Variants in CDC5L observed in about 807,000 individuals in gnomAD.
The protein encoded by CDC5L is cell division cycle 5 like.
In CDC5L, 18 loss-of-function variants were observed where a neutral mutation model predicts 104.1. The ratio of observed to expected loss-of-function variants is 0.17; its 90% CI spans 0.12 to 0.26. The LOEUF is 0.26. CDC5L is among the 10% of genes least tolerant of loss of function. CDC5L has a pLI of 1.00. For missense variants in CDC5L, 673 were observed against 956.9 expected (o/e 0.70, Z 3.91); for synonymous variants, 331 against 322.7 (o/e 1.03, Z -0.28).
intron 5 of CDC5L, among the ~76,000 whole-genome samples, chr6:44,402,596 C>T (rs923299290): frequency 2.6e-5 from 4 of 152,028 alleles, no homozygotes; most frequent in Admixed American, 6.5e-5. Context: ...TTTCTTATCA[C>T]GAAATCATTA....
At chr6:44,435,328 A>C (rs1792882346) in intron 14 of CDC5L, among the ~76,000 whole-genome samples, 1 of 151,944 alleles carries the variant, frequency 6.6e-6, no homozygotes, top group South Asian at 2.1e-4. Context: ...AAGAATTTAG[A>C]ATTTTAAAAT....
intron 1 of CDC5L, 150 bp from the exon 2 acceptor site, chr6:44,390,118 G>A: frequency 1.7e-6 from 1 of 576,034 alleles, no homozygotes; most frequent in East Asian, 3.0e-5. Context: ...TAGTTAATGA[G>A]GTTTTCATCC....
intron 1 of CDC5L, among the ~76,000 whole-genome samples, chr6:44,389,083 G>A (rs1417596850): frequency 6.6e-6 from 1 of 152,164 alleles, no homozygotes; most frequent in African/African-American, 2.4e-5. Context: ...GGTATCCCTA[G>A]GACCTAGGAC....
At chr6:44,426,876 G>GA (rs1424966676) in intron 13 of CDC5L, 152 bp downstream of exon 13, 2 of 761,696 alleles carry the variant, frequency 2.6e-6, no homozygotes, top group African/African-American at 3.5e-5. Flanking sequence ...TAAGTGTTAT[G>GA]AAAAGGACAT....
At chr6:44,436,356 A>G (rs1378024405) in intron 14 of CDC5L, among the ~76,000 whole-genome samples, 1 of 152,220 alleles carries the variant, frequency 6.6e-6, no homozygotes, top group Non-Finnish European at 1.5e-5. Context: ...GGCTGATTTT[A>G]GGAGAGAGAT....
chr6:44,408,333 C>A, intron 7 of CDC5L, 111 bp from the exon 8 acceptor site: 1 of 680,858 alleles, frequency 1.5e-6, no homozygotes, highest in Non-Finnish European at 2.4e-6. Context: ...AACTCCTGGG[C>A]TCAAACAGTT....
intron 14 of CDC5L, among the ~76,000 whole-genome samples, chr6:44,438,247 C>A (rs1320593419): frequency 6.6e-6 from 1 of 152,168 alleles, no homozygotes; most frequent in Non-Finnish European, 1.5e-5. Context: ...TGTTGCCTGG[C>A]TGAACATGTT....
intron 4 of CDC5L, among the ~76,000 whole-genome samples, chr6:44,393,845 T>C (rs1012083337): frequency 7.2e-5 from 11 of 152,074 alleles, no homozygotes; most frequent in African/African-American, 2.2e-4. Context: ...TTAAATTTTT[T>C]TGTAGAGATG....
At chr6:44,395,429 A>C (rs9472274) in intron 4 of CDC5L, among the ~76,000 whole-genome samples, 3 of 152,210 alleles carry the variant, frequency 2.0e-5, no homozygotes, top group African/African-American at 7.2e-5. Context: ...TGTGCCACCT[A>C]TTAGCTGTTT....
chr6:44,416,437 G>A (rs1791911395), intron 8 of CDC5L, among the ~76,000 whole-genome samples: 1 of 152,118 alleles, frequency 6.6e-6, no homozygotes, highest in Non-Finnish European at 1.5e-5. Flanking sequence ...ATGGAGCAGT[G>A]GGGTGCAAGG....
intron 9 of CDC5L, among the ~76,000 whole-genome samples, 192 bp downstream of exon 9, chr6:44,419,789 T>G (rs1226742339): frequency 6.6e-6 from 1 of 152,176 alleles, no homozygotes; most frequent in Non-Finnish European, 1.5e-5. Context: ...CCCCTTTCTT[T>G]AAGATGGAGT....
intron 8 of CDC5L, among the ~76,000 whole-genome samples, chr6:44,409,576 C>A (rs1428520289): frequency 6.6e-6 from 1 of 152,116 alleles, no homozygotes; most frequent in African/African-American, 2.4e-5. Flanking sequence ...TTTTGTTTTT[C>A]TTGGAGCTAA....
At chr6:44,393,660 A>C in intron 4 of CDC5L, 87 bp downstream of exon 4, 15 of 1,333,236 alleles carry the variant, frequency 1.1e-5, no homozygotes, top group Non-Finnish European at 1.5e-5. Flanking sequence ...GAACTCCTCT[A>C]CTTTAGAATC....
Position 44,393,494 on chromosome 6 carries a change from A to G in CDC5L, c.360A>G (p.Pro120=), listed in dbSNP as rs775517563. 1 of 1,614,082 alleles carries G rather than the reference A, an allele frequency of 6.2e-7. No individual in the cohort carries two copies. The highest frequency in any genetic ancestry group is 1.1e-5 in the South Asian group (1 of 91,082). ...RDNEEETTDD[P]RKLKPGEIDP... is the part of the protein sequence containing the mutation. Reference sequence around the variant, plus strand: ...ATGAAGAGGAAACAACAGATGATCCACGAAAACTTAAACCTGGAGAAATAG... The same window carrying G: ...ATGAAGAGGAAACAACAGATGATCCGCGAAAACTTAAACCTGGAGAAATAG... The change falls in exon 4 of 16, where the codon CCA becomes CCG. Residue 120 remains proline, a synonymous_variant. Transcript: ENST00000371477.
In CDC5L at chr6:44,393,705, C is replaced by T. The variant is rs151110795; in HGVS notation, c.439+132C>T. The stretch of plus-strand genomic sequence containing the variant: ...TTTGAGACAAGGTCTTGCTCTGTTA[C>T]CCAGGCTGGAATGAAGTGGCACAAT... On this transcript the variant is annotated intron_variant, in intron 4 of 15. Transcript: ENST00000371477. 1.3e-5 allele frequency: 12 copies of T among 890,164 alleles called. 1 individual carries two copies. The African/African-American group carries it at 1.6e-4, about 12-fold the overall frequency. The allele number at this position is 890,164 out of a possible 1,614,324, so 55.1% of individuals were successfully genotyped here.
intron 7 of CDC5L, among the ~76,000 whole-genome samples, chr6:44,406,838 G>A (rs1480777945): frequency 2.0e-5 from 3 of 152,068 alleles, no homozygotes; most frequent in African/African-American, 4.8e-5. Context: ...ACTGGAACCC[G>A]GGAGGTGGAG....
At chr6:44,433,223 A>C (rs1561978855) in intron 14 of CDC5L, among the ~76,000 whole-genome samples, 1 of 152,222 alleles carries the variant, frequency 6.6e-6, no homozygotes, top group Non-Finnish European at 1.5e-5. Flanking sequence ...TGGGGATAAC[A>C]GCAAGGAACA....
At position 44,387,782 on chromosome 6, in the gene CDC5L, GA is replaced by G. The variant is rs1790394483; in HGVS notation, c.-40del. ...GCCCAATCGCTGTTACTACTTCTCT[GA>G]AGCTCCTCTCGGCTGCTTGCCGAGA... On this transcript the variant is annotated 5_prime_UTR_variant, in exon 1 of 16. Transcript: ENST00000371477. The G allele has an allele frequency of 6.5e-7, 1 of 1,538,804 alleles. No individual in the cohort carries two copies. Among genetic ancestry groups the G allele is most frequent in the East Asian group, 2.4e-5 (1 of 40,884 alleles).
chr6:44,441,342 TAG>T (rs960181087), intron 14 of CDC5L, among the ~76,000 whole-genome samples: 1 of 152,270 alleles, frequency 6.6e-6, no homozygotes, highest in Non-Finnish European at 1.5e-5. Flanking sequence ...AAAGACTGAA[TAG>T]TATTCCGTTT....
Sources: allele counts gnomAD v4.1 joint callset (sites outside exome capture counted in the v4.1 genomes callset), GRCh38; gene constraint gnomAD v4.1.1; transcripts MANE v1.5; gene names NCBI Gene and HGNC (gene_info 2026-07-23, HGNC 2026-07-21).